The following PPP2R2B variants were observed in gnomAD, a reference collection of about 807,000 sequenced individuals.
The protein encoded by PPP2R2B is serine/threonine-protein phosphatase 2A 55 kDa regulatory subunit B beta isoform.
PPP2R2B carries 5 observed loss-of-function variants against 46.0 expected under a neutral mutation model. The ratio of observed to expected loss-of-function variants is 0.11; its 90% CI spans 0.06 to 0.23. The LOEUF is 0.23. PPP2R2B is among the 10% of genes least tolerant of loss of function. The probability of loss-of-function intolerance (pLI) is 1.00; values close to 1 mark genes in which losing one functional copy is unlikely to be tolerated. For synonymous variants in PPP2R2B, 215 were observed against 206.7 expected (o/e 1.04, Z -0.34); for missense variants, 367 against 575.0 (o/e 0.64, Z 3.70).
chr5:146,759,070 CTGAGT>C (rs1184796026), intron 2 of PPP2R2B, among the ~76,000 whole-genome samples: 2 of 152,156 alleles, frequency 1.3e-5, no homozygotes, highest in East Asian at 1.9e-4. Context: ...CAGGCAGTGG[CTGAGT>C]TAAGTTTAGA....
chr5:146,977,083 T>C (rs1244411948), intron 1 of PPP2R2B, among the ~76,000 whole-genome samples: 1 of 152,138 alleles, frequency 6.6e-6, no homozygotes, highest in Non-Finnish European at 1.5e-5. Context: ...CTTGAGTGCC[T>C]TCATTCTTTC....
At chr5:146,998,578 A>G (rs1754025293) in intron 1 of PPP2R2B, among the ~76,000 whole-genome samples, 1 of 152,198 alleles carries the variant, frequency 6.6e-6, no homozygotes, top group Non-Finnish European at 1.5e-5. Flanking sequence ...CTGATTTGCC[A>G]GCTGTTCAGT....
intron 2 of PPP2R2B, among the ~76,000 whole-genome samples, chr5:146,816,478 A>T (rs1322002818): frequency 6.6e-6 from 1 of 152,234 alleles, no homozygotes; most frequent in East Asian, 1.9e-4. Flanking sequence ...GTCATCTTCT[A>T]TAATAGAGTT....
chr5:146,925,122 T>G (rs1169699069), intron 1 of PPP2R2B, among the ~76,000 whole-genome samples: 1 of 152,224 alleles, frequency 6.6e-6, no homozygotes, highest in Admixed American at 6.5e-5. Context: ...AACCCAACAC[T>G]ACAGTGTTAA....
At chr5:146,794,843 T>C (rs1582119945) in intron 2 of PPP2R2B, among the ~76,000 whole-genome samples, 1 of 152,274 alleles carries the variant, frequency 6.6e-6, no homozygotes, top group Admixed American at 6.5e-5. Flanking sequence ...TAAGAATTTT[T>C]CCAGAACCAC....
intron 1 of PPP2R2B, among the ~76,000 whole-genome samples, chr5:146,953,046 C>T (rs1349905048): frequency 6.6e-6 from 1 of 152,120 alleles, no homozygotes; most frequent in South Asian, 2.1e-4. Flanking sequence ...TATTTAGAAT[C>T]CCTGGCTTCA....
chr5:146,847,385 G>A (rs1760072038), intron 2 of PPP2R2B, among the ~76,000 whole-genome samples: 1 of 152,124 alleles, frequency 6.6e-6, no homozygotes, highest in South Asian at 2.1e-4. Context: ...CTGTAAAGGT[G>A]CCATGCTTCT....
chr5:146,758,962 T>C (rs1753997383), intron 2 of PPP2R2B, among the ~76,000 whole-genome samples: 1 of 152,190 alleles, frequency 6.6e-6, no homozygotes, highest in South Asian at 2.1e-4. Flanking sequence ...AACCTAATAC[T>C]TTCCTAATGC....
At chr5:146,614,261 TATTTAATA>T (rs1295319083) in intron 7 of PPP2R2B, among the ~76,000 whole-genome samples, 1 of 113,992 alleles carries the variant, frequency 8.8e-6, no homozygotes, top group Admixed American at 9.1e-5. Context: ...AAGGATTCCC[TATTTAATA>T]AATGGTACTG....
chr5:146,976,682 A>G (rs759726540), intron 1 of PPP2R2B, among the ~76,000 whole-genome samples: 22 of 152,088 alleles, frequency 1.4e-4, no homozygotes, highest in Non-Finnish European at 1.0e-4. Context: ...CCATTGAGCT[A>G]TTTGTCTATT....
rs535045228 is a variant in PPP2R2B, at chr5:147,012,257, C to T, written c.79+43408G>A. On this transcript the variant is annotated intron_variant, in intron 1 of 8. Coordinates refer to the PPP2R2B transcript ENST00000336640. ...ATTGATTATTGCCACAATTTCGGAT[C>T]CTGTTATTGGTCTATTCAGAGATTC... is the stretch of plus-strand genomic sequence containing the variant. 2.6e-3 allele frequency among the ~76,000 whole-genome samples: 395 copies of T among 152,230 alleles called. 2 individuals are homozygous for T. The highest frequency in any genetic ancestry group is 4.1e-3 in the Non-Finnish European group (280 of 68,032).
intron 1 of PPP2R2B, among the ~76,000 whole-genome samples, chr5:146,920,485 T>A (rs1038434676): frequency 3.9e-5 from 6 of 152,212 alleles, no homozygotes; most frequent in African/African-American, 1.4e-4. Flanking sequence ...AGTCATTAAA[T>A]GAGTTCTTCA....
At chr5:146,704,870 A>C (rs1779741718) in intron 2 of PPP2R2B, among the ~76,000 whole-genome samples, 1 of 152,230 alleles carries the variant, frequency 6.6e-6, no homozygotes, top group Non-Finnish European at 1.5e-5. Flanking sequence ...AGGCTTACGG[A>C]AACAGAGGAA....
At chr5:146,714,199 T>C (rs1780363522) in intron 2 of PPP2R2B, among the ~76,000 whole-genome samples, 2 of 152,164 alleles carry the variant, frequency 1.3e-5, no homozygotes, top group Admixed American at 1.3e-4. Flanking sequence ...TGACCAACCA[T>C]GTCAAATACT....
At chr5:146,777,199 A>G (rs1755238402) in intron 2 of PPP2R2B, among the ~76,000 whole-genome samples, 1 of 152,164 alleles carries the variant, frequency 6.6e-6, no homozygotes, top group African/African-American at 2.4e-5. Context: ...ATTATTCACA[A>G]TAACCAAAAG....
At chr5:147,018,037 GCGCGCGCACACACACACACA>G (rs1383387967) in intron 1 of PPP2R2B, among the ~76,000 whole-genome samples, 3 of 119,082 alleles carry the variant, frequency 2.5e-5, no homozygotes, top group African/African-American at 1.0e-4. Flanking sequence ...ACACATGCAT[GCGCGCGCACACACACACACA>G]CACACACACA....
chr5:146,978,127 T>C (rs1479855305), intron 1 of PPP2R2B, among the ~76,000 whole-genome samples: 2 of 152,220 alleles, frequency 1.3e-5, no homozygotes, highest in African/African-American at 2.4e-5. Flanking sequence ...TAATGACCAG[T>C]GATAATGAGC....
chr5:146,960,584 T>A (rs1403982165), intron 1 of PPP2R2B, among the ~76,000 whole-genome samples: 1 of 151,784 alleles, frequency 6.6e-6, no homozygotes, highest in Non-Finnish European at 1.5e-5. Flanking sequence ...TCGCTCAGAG[T>A]TTGAGCAGGA....
At chr5:146,740,962 G>T (rs573155025) in intron 2 of PPP2R2B, among the ~76,000 whole-genome samples, 1 of 151,800 alleles carries the variant, frequency 6.6e-6, no homozygotes, top group Non-Finnish European at 1.5e-5. Context: ...ACTTGAACCC[G>T]GGAGGCGGAG....
Sources: gnomAD v4.1 joint callset for allele counts (sites outside exome capture counted in the v4.1 genomes callset) on GRCh38, gnomAD v4.1.1 for gene constraint, MANE v1.5 for transcripts, NCBI Gene and HGNC (gene_info 2026-07-23, HGNC 2026-07-21) for gene names.